The following NLGN1 variants were observed in gnomAD, a reference collection of about 807,000 sequenced individuals.
NLGN1 encodes the protein neuroligin-1.
In NLGN1, 12 loss-of-function variants were observed where a neutral mutation model predicts 65.5. The ratio of observed to expected loss-of-function variants is 0.18; its 90% CI spans 0.12 to 0.30. The LOEUF (loss-of-function observed/expected upper bound fraction) is 0.30, where lower values mean the gene tolerates loss of function less well. NLGN1 is among the 10% of genes least tolerant of loss of function. NLGN1 has a pLI of 1.00. For synonymous variants in NLGN1, 350 were observed against 359.5 expected (o/e 0.97, Z 0.30); for missense variants, 750 against 1,007.1 (o/e 0.74, Z 3.46).
intron 3 of NLGN1, among the ~76,000 whole-genome samples, chr3:173,620,209 G>T (rs1291129644): frequency 6.6e-6 from 1 of 152,180 alleles, no homozygotes; most frequent in African/African-American, 2.4e-5. Flanking sequence ...GTACAACTTA[G>T]TGTGTCAGTG....
chr3:174,148,356 G>A (rs548575555), intron 4 of NLGN1, among the ~76,000 whole-genome samples: 3 of 152,278 alleles, frequency 2.0e-5, no homozygotes, highest in African/African-American at 7.2e-5. Flanking sequence ...ATGATAGGGT[G>A]TTAAGTAATT....
At chr3:174,231,328 A>C (rs916493012) in intron 4 of NLGN1, among the ~76,000 whole-genome samples, 3 of 152,208 alleles carry the variant, frequency 2.0e-5, no homozygotes, top group African/African-American at 7.2e-5. Context: ...TAGATAAAAA[A>C]GGTAAAGTGA....
chr3:174,286,472 T>C (rs1200647407), exon 7 of NLGN1: 1 of 151,518 alleles, frequency 6.6e-6, no homozygotes, highest in African/African-American at 2.4e-5. Flanking sequence ...ATTTTAGTGG[T>C]TTTGATTCAT....
chr3:174,240,204 T>G (rs1305063358), intron 4 of NLGN1, among the ~76,000 whole-genome samples: 1 of 152,066 alleles, frequency 6.6e-6, no homozygotes, highest in Non-Finnish European at 1.5e-5. Flanking sequence ...AATAGAAAAC[T>G]GATTCATTGC....
At chr3:173,415,596 A>C (rs1713532601) in intron 1 of NLGN1, among the ~76,000 whole-genome samples, 1 of 152,208 alleles carries the variant, frequency 6.6e-6, no homozygotes, top group Admixed American at 6.5e-5. Flanking sequence ...ATAAAATAAG[A>C]AAGACAACAT....
intron 3 of NLGN1, among the ~76,000 whole-genome samples, chr3:173,704,209 T>C (rs536369039): frequency 9.2e-5 from 14 of 152,216 alleles, no homozygotes; most frequent in Non-Finnish European, 1.9e-4. Flanking sequence ...GTGTGGCACA[T>C]AGAAGTGTGT....
intron 2 of NLGN1, among the ~76,000 whole-genome samples, chr3:173,592,252 AT>A (rs1317992784): frequency 1.3e-5 from 2 of 152,030 alleles, no homozygotes; most frequent in African/African-American, 2.4e-5. Flanking sequence ...TTAATGTTAA[AT>A]TTTTTTTCAG....
At chr3:174,286,915 AAGG>A (rs1287811579), downstream of NLGN1, among the ~76,000 whole-genome samples, 6 of 151,478 alleles carry the variant, frequency 4.0e-5, no homozygotes, top group South Asian at 2.1e-4. Flanking sequence ...AGAATGGAAA[AAGG>A]AGGAAGTGAG....
chr3:174,036,740 C>T (rs891029479), intron 4 of NLGN1, among the ~76,000 whole-genome samples: 19 of 151,828 alleles, frequency 1.3e-4, no homozygotes, highest in Admixed American at 1.1e-3. Flanking sequence ...TTTTTCAGAT[C>T]CTCTCCCTCT....
At chr3:173,944,670 T>G (rs1339576138) in intron 4 of NLGN1, among the ~76,000 whole-genome samples, 2 of 152,202 alleles carry the variant, frequency 1.3e-5, no homozygotes, top group African/African-American at 4.8e-5. Context: ...AACTGGAAAG[T>G]GTGAAACTCC....
chr3:174,026,207 G>A (rs1432492244), intron 4 of NLGN1, among the ~76,000 whole-genome samples: 1 of 152,026 alleles, frequency 6.6e-6, no homozygotes, highest in Non-Finnish European at 1.5e-5. Flanking sequence ...GCTCACTGCA[G>A]CCTTGACCTC....
intron 4 of NLGN1, among the ~76,000 whole-genome samples, chr3:173,894,678 T>G (rs1736021819): frequency 6.6e-6 from 1 of 150,982 alleles, no homozygotes; most frequent in Non-Finnish European, 1.5e-5. Context: ...TTTGCCCAGG[T>G]TGGAGTGCAA....
chr3:173,874,268 C>G (rs1490795070), intron 4 of NLGN1, among the ~76,000 whole-genome samples: 11 of 152,156 alleles, frequency 7.2e-5, no homozygotes, highest in Admixed American at 6.5e-4. Context: ...TCCCCTTTAG[C>G]TGGATTCTAA....
intron 2 of NLGN1, among the ~76,000 whole-genome samples, chr3:173,496,734 CTAAT>C (rs1413475666): frequency 1.3e-5 from 2 of 151,708 alleles, no homozygotes; most frequent in Non-Finnish European, 2.9e-5. Flanking sequence ...ATGGATTTAC[CTAAT>C]TAATATTACT....
intron 3 of NLGN1, among the ~76,000 whole-genome samples, chr3:173,714,340 T>C (rs1404125578): frequency 2.0e-5 from 3 of 152,060 alleles, no homozygotes; most frequent in African/African-American, 7.2e-5. Context: ...CTTTGGAGGG[T>C]TAATTGGGTA....
chr3:173,406,541 A>G (rs1040920197), intron 1 of NLGN1, among the ~76,000 whole-genome samples: 9 of 148,300 alleles, frequency 6.1e-5, no homozygotes, highest in African/African-American at 2.0e-4. Flanking sequence ...ATATATATCA[A>G]TATATATGAA....
At chr3:174,166,121 A>C (rs1480293326) in intron 4 of NLGN1, among the ~76,000 whole-genome samples, 1 of 151,756 alleles carries the variant, frequency 6.6e-6, no homozygotes, top group Non-Finnish European at 1.5e-5. Flanking sequence ...GTAATCTATC[A>C]ATCTTATTTA....
intron 4 of NLGN1, among the ~76,000 whole-genome samples, chr3:174,197,184 A>G (rs1451561442): frequency 1.3e-5 from 2 of 152,170 alleles, no homozygotes; most frequent in Non-Finnish European, 2.9e-5. Flanking sequence ...TTAAAAAGAC[A>G]AGGGTAAATT....
intron 4 of NLGN1, among the ~76,000 whole-genome samples, chr3:174,151,401 G>A (rs1399793524): frequency 6.6e-6 from 1 of 152,042 alleles, no homozygotes; most frequent in African/African-American, 2.4e-5. Flanking sequence ...ATTTGAAATA[G>A]TTGCTGTAAT....
Sources: allele counts gnomAD v4.1 joint callset (sites outside exome capture counted in the v4.1 genomes callset), GRCh38; gene constraint gnomAD v4.1.1; transcripts MANE v1.5; gene names NCBI Gene and HGNC (gene_info 2026-07-23, HGNC 2026-07-21).